The following TSPAN32 variants were observed in gnomAD, a reference collection of about 807,000 sequenced individuals.
TSPAN32 encodes the protein tetraspanin 32, also known as tetraspanin-32.
In TSPAN32, 47 loss-of-function variants were observed where a neutral mutation model predicts 42.7. The ratio of observed to expected loss-of-function variants is 1.10; its 90% confidence interval spans 0.87 to 1.40. The LOEUF is 1.40. TSPAN32 is among the 40% of genes most tolerant of loss of function. The probability of loss-of-function intolerance (pLI) is 0.00; values close to 1 mark genes in which losing one functional copy is unlikely to be tolerated. For missense variants in TSPAN32, 469 were observed against 424.1 expected (o/e 1.11, Z -0.93); for synonymous variants, 175 against 175.9 (o/e 0.99, Z 0.04).
chr11:2,312,261 C>A (rs150475466), intron 4 of TSPAN32, among the ~76,000 whole-genome samples: 310 of 152,326 alleles, frequency 2.0e-3, no homozygotes, highest in African/African-American at 6.8e-3. Flanking sequence ...AGCCAACCCC[C>A]GGGCCCACTC....
intron 5 of TSPAN32, among the ~76,000 whole-genome samples, chr11:2,314,200 A>G (rs993543916): frequency 1.6e-4 from 25 of 151,674 alleles, no homozygotes; most frequent in Admixed American, 1.6e-3. Context: ...ATAAAAGCAC[A>G]TACAGCGCAC....
intron 2 of TSPAN32, among the ~76,000 whole-genome samples, 154 bp from the exon 3 acceptor site, chr11:2,303,953 C>T (rs1384389043): frequency 2.0e-5 from 3 of 152,162 alleles, no homozygotes; most frequent in Non-Finnish European, 4.4e-5. Flanking sequence ...TCCTCCTTCC[C>T]TCAGGGCCGT....
intron 2 of TSPAN32, 28 bp downstream of exon 2, chr11:2,302,986 C>T (rs776469547): frequency 2.0e-5 from 32 of 1,590,290 alleles, no homozygotes; most frequent in Middle Eastern, 1.7e-4. Flanking sequence ...CTGGCTGCAT[C>T]GGGAGGGGCC....
intron 3 of TSPAN32, among the ~76,000 whole-genome samples, chr11:2,307,393 C>G (rs1159607743): frequency 6.6e-6 from 1 of 152,226 alleles, no homozygotes; most frequent in Non-Finnish European, 1.5e-5. Context: ...GTGGACCACC[C>G]AGGCGGGCAC....
At position 2,316,305 on chromosome 11, in the gene TSPAN32, C is replaced by T; in HGVS notation, c.620C>T (p.Ala207Val). The change falls in exon 7 of 10, where the codon GCC becomes GTC. Residue 207 changes from alanine (A) to valine (V), a missense_variant. Physicochemically the swap from Ala to Val is moderately conservative, Grantham distance 64. Coordinates refer to ENST00000182290, the MANE Select transcript of TSPAN32 (RefSeq NM_139022.3). Reference protein sequence around the residue: ...VASSLTSIGLALTVSALLFSS... With the variant: ...VASSLTSIGLVLTVSALLFSS... Reference sequence around the variant, plus strand: ...TCCAGCCTGACCAGCATCGGCCTGGCCCTCACGGTACCCTCTCGCCTCCCT... The same window carrying T: ...TCCAGCCTGACCAGCATCGGCCTGGTCCTCACGGTACCCTCTCGCCTCCCT... 6.3e-7 allele frequency: 1 copy of T among 1,599,510 alleles called. No individual in the cohort carries two copies.
intron 2 of TSPAN32, 170 bp downstream of exon 2, chr11:2,303,128 G>A: frequency 4.9e-6 from 3 of 606,514 alleles, no homozygotes; most frequent in Non-Finnish European, 5.8e-6. Flanking sequence ...CCCCTGGGCA[G>A]GGCCTCGGGT....
At chr11:2,315,160 T>TGC in intron 6 of TSPAN32, 65 of 646,386 alleles carry the variant, frequency 1.0e-4, no homozygotes, top group Middle Eastern at 6.9e-4. Flanking sequence ...CCGGCAGCCC[T>TGC]CCCCCAGCCC....
At chr11:2,309,189 A>G in intron 4 of TSPAN32, 1 of 390,438 alleles carries the variant, frequency 2.6e-6, no homozygotes, top group Middle Eastern at 3.7e-4. Flanking sequence ...TAGAAGGAGC[A>G]GAGTGTTCCA....
At chr11:2,303,016 G>T in intron 2 of TSPAN32, 58 bp downstream of exon 2, 2 of 1,492,090 alleles carry the variant, frequency 1.3e-6, no homozygotes, top group South Asian at 2.4e-5. Context: ...AGGGTGGCTG[G>T]CACGAGCCCA....
At chr11:2,314,154 C>G (rs1848638607) in intron 5 of TSPAN32, among the ~76,000 whole-genome samples, 1 of 129,456 alleles carries the variant, frequency 7.7e-6, no homozygotes, top group African/African-American at 3.0e-5. Context: ...GAGACCTTGT[C>G]TCTACTTTAA....
At chr11:2,303,991 C>T (rs995021910) in intron 2 of TSPAN32, 116 bp from the exon 3 acceptor site, 83 of 726,060 alleles carry the variant, frequency 1.1e-4, no homozygotes, top group Admixed American at 6.7e-4. Context: ...CCATTCAGAG[C>T]CCCCCAGGAG....
Position 2,304,109 on chromosome 11 carries a change from T to TC in TSPAN32, c.184_185insC (p.Phe62SerfsTer71). On this transcript the variant is annotated frameshift_variant, in exon 3 of 10. Transcript: ENST00000182290. LOFTEE classifies it high-confidence loss of function. This position sits in a 1 kb window ranked among gnomAD's most constrained non-coding sequence, Gnocchi z 4.8. Reference sequence around the variant, plus strand: ...TCCTCCTCTCTCCTCCCAACCAGCCTTCTCTGCGGGGTTGAGCCTGGTGGG... The same window carrying TC: ...TCCTCCTCTCTCCTCCCAACCAGCCTCTCTCTGCGGGGTTGAGCCTGGTGGG... 1 of 1,579,412 alleles carries TC rather than the reference T, an allele frequency of 6.3e-7. No individual in the cohort carries two copies. Among genetic ancestry groups the TC allele is most frequent in the Non-Finnish European group, 8.6e-7 (1 of 1,162,610 alleles).
chr11:2,313,588 G>A lies in TSPAN32; in HGVS notation c.355-66G>A. 3 of 1,312,836 alleles carry A rather than the reference G, an allele frequency of 2.3e-6. No individual in the cohort carries two copies. The highest frequency in any genetic ancestry group is 2.1e-6 in the Non-Finnish European group (2 of 938,214). 81.3% of individuals were successfully genotyped at this position (1,312,836 alleles called of 1,614,324 possible). On this transcript the variant is annotated intron_variant, in intron 4 of 9. Coordinates refer to ENST00000182290, the MANE Select transcript of TSPAN32 (RefSeq NM_139022.3). The surrounding 1 kb of genome is among the most constrained non-coding windows in gnomAD (Gnocchi z 9.1). ...GGCCCACTAGCGTTTGGGATGTCGT[G>A]GGGAGGGGGCTGTGTCCCCGGATCT...
chr11:2,317,635 C>A lies in TSPAN32; in HGVS notation c.901+110C>A. Reference sequence around the variant, plus strand: ...CCAGAGAGCCAGGCTCCATTGGGAACAGATGCAAGGGTAAGGGGTAGCTCA... The same window carrying A: ...CCAGAGAGCCAGGCTCCATTGGGAAAAGATGCAAGGGTAAGGGGTAGCTCA... On this transcript the variant is annotated intron_variant, in intron 9 of 9. Coordinates refer to ENST00000182290, the MANE Select transcript of TSPAN32 (RefSeq NM_139022.3). The surrounding 1 kb of genome is among the most constrained non-coding windows in gnomAD (Gnocchi z 6.2). 6.7e-7 allele frequency: 1 copy of A among 1,489,850 alleles called. No individual in the cohort carries two copies. The highest frequency in any genetic ancestry group is 1.3e-5 in the South Asian group (1 of 76,290). 92.3% of individuals were successfully genotyped at this position (1,489,850 alleles called of 1,614,324 possible). A position where few individuals can be genotyped will look rare whatever the true frequency, so the allele number is the denominator to read the frequency against.
Position 2,318,068 on chromosome 11 carries a change from T to G in TSPAN32, c.*144T>G. The G allele has an allele frequency of 1.7e-6, 1 of 586,638 alleles. No homozygotes were observed. The allele number at this position is 586,638 out of a possible 1,614,324, so 36.3% of individuals were successfully genotyped here. ...TCCTTGTCCCTGGTCCTGTGGTCCC[T>G]CCACCTTCAAACCAGCAATGGTGCA... On this transcript the variant is annotated 3_prime_UTR_variant, in exon 10 of 10. Coordinates refer to ENST00000182290, the MANE Select transcript of TSPAN32 (RefSeq NM_139022.3). This position sits in a 1 kb window ranked among gnomAD's most constrained non-coding sequence, Gnocchi z 4.2.
At chr11:2,314,297 C>A (rs770073131) in intron 5 of TSPAN32, among the ~76,000 whole-genome samples, 188 bp from the exon 6 acceptor site, 1 of 152,244 alleles carries the variant, frequency 6.6e-6, no homozygotes, top group Non-Finnish European at 1.5e-5. Flanking sequence ...GAGAGAGCTC[C>A]CCTTACCAGG....
chr11:2,306,720 AAGG>A (rs900154459), intron 3 of TSPAN32, among the ~76,000 whole-genome samples: 25 of 149,660 alleles, frequency 1.7e-4, no homozygotes, highest in Admixed American at 4.7e-4. Flanking sequence ...CTCAGCCAGC[AAGG>A]AGGAGGAGGA....
chr11:2,314,043 A>C (rs1422516701), intron 5 of TSPAN32, among the ~76,000 whole-genome samples: 1 of 152,000 alleles, frequency 6.6e-6, no homozygotes, highest in Non-Finnish European at 1.5e-5. Flanking sequence ...TACGGGGCCG[A>C]ACATAGTGGC....
At chr11:2,307,252 T>C (rs751567400) in intron 3 of TSPAN32, among the ~76,000 whole-genome samples, 2 of 152,206 alleles carry the variant, frequency 1.3e-5, no homozygotes, top group Non-Finnish European at 2.9e-5. Context: ...TCCCCTGGCA[T>C]GCCAGCGTTG....
Sources: gnomAD v4.1 joint callset for allele counts (sites outside exome capture counted in the v4.1 genomes callset) on GRCh38, gnomAD v4.1.1 for gene constraint, Gnocchi (gnomAD v3.1) non-coding constraint, MANE v1.5 for transcripts, NCBI Gene and HGNC (gene_info 2026-07-23, HGNC 2026-07-21) for gene names.